The following NLRC5 variants were observed in gnomAD, a reference collection of about 807,000 sequenced individuals.
NLRC5 encodes the protein protein NLRC5.
In NLRC5, 114 loss-of-function variants were observed where a neutral mutation model predicts 206.9. The observed-to-expected ratio is 0.55, with a 90% CI of 0.47 to 0.64. The LOEUF is 0.64. NLRC5 is among the 30% of genes least tolerant of loss of function. The probability of loss-of-function intolerance (pLI) is 0.00; values close to 1 mark genes in which losing one functional copy is unlikely to be tolerated. For missense variants in NLRC5, 2,008 were observed against 2,305.5 expected (o/e 0.87, Z 2.64); for synonymous variants, 952 against 962.8 (o/e 0.99, Z 0.21).
Position 57,041,301 on chromosome 16 carries a change from G to C in NLRC5, c.2940-184G>C, listed in dbSNP as rs552651932. ...CTCTGCCCACCCTCTGCCTATATGT[G>C]ACATCCTGTGGGTGTCGTGTGTGTT... On this transcript the variant is annotated intron_variant, in intron 17 of 48. Coordinates refer to ENST00000688547, the MANE Select transcript of NLRC5 (RefSeq NM_001384950.1). 2.1e-4 allele frequency: 124 copies of C among 580,272 alleles called. 2 individuals carry two copies. In the South Asian group the frequency reaches 2.2e-3, roughly 10 times the overall value. 35.9% of individuals were successfully genotyped at this position (580,272 alleles called of 1,614,324 possible).
At position 57,077,710 on chromosome 16, in the gene NLRC5, C is replaced by T. The variant is rs1191388755; in HGVS notation, c.4920-9C>T. The T allele has an allele frequency of 6.4e-7, 1 of 1,559,592 alleles. No homozygotes were observed. The highest frequency in any genetic ancestry group is 8.7e-7 in the Non-Finnish European group (1 of 1,150,468). On this transcript the variant is annotated splice_polypyrimidine_tract_variant and intron_variant, in intron 41 of 48. Coordinates refer to ENST00000688547, the MANE Select transcript of NLRC5 (RefSeq NM_001384950.1). ...ATCAGAGGACCTGATGGCTGCCCCC[C>T]TCCCACAGCCTCTCAGGGAATAGCA...
At position 57,079,076 on chromosome 16, in the gene NLRC5, G is replaced by C. The variant is rs2068795495; in HGVS notation, c.5108G>C (p.Gly1703Ala). 3 of 1,614,050 alleles carry C rather than the reference G, an allele frequency of 1.9e-6. No individual in the cohort carries two copies. The highest frequency in any genetic ancestry group is 1.3e-5 in the African/African-American group (1 of 74,934). ...CTACCATTCAGCCATCTGGGCCCAG[G>C]TGGGGCCCTGAGCCTGGCCCAGGCC... is the stretch of plus-strand genomic sequence containing the variant. ...LHLPFSHLGPGGALSLAQALD... is the reference protein window; with the variant it reads ...LHLPFSHLGPAGALSLAQALD... The change falls in exon 44 of 49, where the codon GGT becomes GCT. Residue 1703 changes from glycine (G) to alanine (A), a missense_variant. Physicochemically the swap from Gly to Ala is moderately conservative, Grantham distance 60. Transcript: ENST00000688547.
intron 13 of NLRC5, chr16:57,034,794 C>G (rs1478429657): frequency 6.6e-6 from 1 of 152,586 alleles, no homozygotes; most frequent in African/African-American, 2.4e-5. Flanking sequence ...GCGTCCAGCC[C>G]CTGGCTGAAG....
Position 57,083,454 on chromosome 16 carries a change from A to G in NLRC5, c.*926A>G, listed in dbSNP as rs1362702487. 1.3e-5 allele frequency: 2 copies of G among 152,214 alleles called. No homozygotes were observed. The highest frequency in any genetic ancestry group is 2.9e-5 in the Non-Finnish European group (2 of 68,034). The allele number at this position is 152,214 out of a possible 1,614,324, so 9.4% of individuals were successfully genotyped here. A position where few individuals can be genotyped will look rare whatever the true frequency, so the allele number is the denominator to read the frequency against. ...TTACCCAGTGTTCTTGTTACTTCCAAGGAGAACCAAGAATGGCTCTGTCAC... is the reference window on the plus strand; with the variant it reads ...TTACCCAGTGTTCTTGTTACTTCCAGGGAGAACCAAGAATGGCTCTGTCAC... On this transcript the variant is annotated 3_prime_UTR_variant, in exon 49 of 49. Coordinates refer to ENST00000688547, the MANE Select transcript of NLRC5 (RefSeq NM_001384950.1).
rs1453470419 is a variant in NLRC5 at position 57,026,922 on chromosome 16, A to T, written c.1979A>T (p.His660Leu). ...GCCACCCTGACCAACATCCTAGAGC[A>T]CAGGGAGGCCCCCATCCACCTGGAT... is the stretch of plus-strand genomic sequence containing the variant. ...DLATLTNILE[H>L]REAPIHLDFD... Residue 660 changes from histidine to leucine, a missense_variant, in exon 6 of 49, where the codon CAC (histidine) becomes CTC (leucine). His to Leu is a moderately conservative substitution (Grantham distance 99). Coordinates refer to ENST00000688547, the MANE Select transcript of NLRC5 (RefSeq NM_001384950.1). 1 of 1,614,168 alleles carries T rather than the reference A, an allele frequency of 6.2e-7. No individual in the cohort carries two copies. Among genetic ancestry groups the T allele is most frequent in the Non-Finnish European group, 8.5e-7 (1 of 1,180,020 alleles).
Position 57,051,565 on chromosome 16 carries a change from G to A in NLRC5, c.3450G>A (p.Gln1150=). The A allele has an allele frequency of 6.2e-7, 1 of 1,614,110 alleles. No homozygotes were observed. The highest frequency in any genetic ancestry group is 8.5e-7 in the Non-Finnish European group (1 of 1,179,968). Residue 1150 remains glutamine, a synonymous_variant, in exon 24 of 49, where the codon CAG becomes CAA. Transcript: ENST00000688547. ...TGTCCTGTGAGTTCCTGAGTGACCA[G>A]AGCCTGGAGACTCTACTGGACTGCT... The part of the protein sequence containing the change: ...LQLSCEFLSD[Q]SLETLLDCLP...
chr16:57,077,216 G>C, intron 40 of NLRC5, 80 bp from the exon 41 acceptor site: 23 of 1,327,902 alleles, frequency 1.7e-5, no homozygotes, highest in Non-Finnish European at 2.4e-5. Context: ...TGGGACTTCA[G>C]CCTCCCCTTC....
chr16:57,026,700 A>T lies in NLRC5; in HGVS notation c.1757A>T (p.Asp586Val). 6.2e-7 allele frequency: 1 copy of T among 1,613,970 alleles called. No individual in the cohort carries two copies. Among genetic ancestry groups the T allele is most frequent in the Non-Finnish European group, 8.5e-7 (1 of 1,179,916 alleles). The change falls in exon 6 of 49, where the codon GAC (aspartate) becomes GTC (valine). Residue 586 changes from aspartate to valine, a missense_variant. Asp to Val is a radical substitution (Grantham distance 152). Transcript: ENST00000688547. Reference sequence around the variant, plus strand: ...AGCCACCTGGCGCAGGGCAATGAGGACTGTGTGGGTGCCAAGCAGGCTGCT... The same window carrying T: ...AGCCACCTGGCGCAGGGCAATGAGGTCTGTGTGGGTGCCAAGCAGGCTGCT... ...FLSHLAQGNEDCVGAKQAAVV... is the reference protein window; with the variant it reads ...FLSHLAQGNEVCVGAKQAAVV...
intron 27 of NLRC5, 96 bp downstream of exon 27, chr16:57,055,615 T>A: frequency 1.0e-6 from 1 of 954,466 alleles, no homozygotes; most frequent in Non-Finnish European, 1.7e-6. Context: ...CATACACTCA[T>A]GTGTGCCTGC....
intron 32 of NLRC5, among the ~76,000 whole-genome samples, chr16:57,063,660 G>A (rs1392002736): frequency 1.3e-5 from 2 of 152,088 alleles, no homozygotes; most frequent in Non-Finnish European, 2.9e-5. Context: ...AAAGTGCTAG[G>A]CGTGAGCCAC....
rs2063536988 is a variant in NLRC5 at position 57,043,461 on chromosome 16, A to C, written c.3114-54A>C. On this transcript the variant is annotated intron_variant, in intron 19 of 48. Coordinates refer to ENST00000688547, the MANE Select transcript of NLRC5 (RefSeq NM_001384950.1). ...CCCGCCCTGTGCCCTGACCACAAAGAGGATGTGTTTGGGTCCTGAGTGACC... is the reference window on the plus strand; with the variant it reads ...CCCGCCCTGTGCCCTGACCACAAAGCGGATGTGTTTGGGTCCTGAGTGACC... 34 of 1,310,060 alleles carry C rather than the reference A, an allele frequency of 2.6e-5. 1 individual carries two copies. In the South Asian group the frequency reaches 3.5e-4, roughly 14 times the overall value. 81.2% of individuals were successfully genotyped at this position (1,310,060 alleles called of 1,614,324 possible).
intron 20 of NLRC5, chr16:57,043,807 T>G (rs1166994859): frequency 3.3e-6 from 2 of 598,558 alleles, no homozygotes; most frequent in Admixed American, 2.8e-5. Context: ...GCCTCACGGA[T>G]GCTCAAATTT....
rs2061239978 is a variant in NLRC5, at chr16:57,026,013, CAG to C, written c.1073_1074del (p.Glu358GlyfsTer10). ...GGGAAGCTGCCTGCCTGCCTGCCTG[CAG>C]AGGCAGCCATGGTCCACATGTTGGG... On this transcript the variant is annotated frameshift_variant, in exon 6 of 49. Coordinates refer to ENST00000688547, the MANE Select transcript of NLRC5 (RefSeq NM_001384950.1). LOFTEE classifies it high-confidence loss of function. 1 of 1,613,930 alleles carries C rather than the reference CAG, an allele frequency of 6.2e-7. No homozygotes were observed. The highest frequency in any genetic ancestry group is 8.5e-7 in the Non-Finnish European group (1 of 1,180,054).
chr16:57,012,080 C>G (rs2059565955), intron 1 of NLRC5, among the ~76,000 whole-genome samples: 1 of 152,208 alleles, frequency 6.6e-6, no homozygotes, highest in African/African-American at 2.4e-5. Flanking sequence ...CCCAGGCAAC[C>G]AGTAATCTAC....
At chr16:57,050,598 G>A (rs1044486535) in intron 23 of NLRC5, among the ~76,000 whole-genome samples, 2 of 152,230 alleles carry the variant, frequency 1.3e-5, no homozygotes, top group Non-Finnish European at 2.9e-5. Context: ...AGGGGCTGTA[G>A]GTAAACCCCA....
At chr16:57,041,883 C>T in intron 18 of NLRC5, 99 bp from the exon 19 acceptor site, 1 of 799,180 alleles carries the variant, frequency 1.3e-6, no homozygotes, top group African/African-American at 1.8e-5. Context: ...GGGCTGTGTC[C>T]AGTTTCAGGA....
rs144198423 is a variant in NLRC5 at position 57,036,407 on chromosome 16, A to T, written c.2711+224A>T. Among the ~76,000 whole-genome samples the T allele has an allele frequency of 2.0e-5, 3 of 152,136 alleles. No individual in the cohort carries two copies. In the East Asian group the frequency reaches 5.8e-4, roughly 29 times the overall value. On this transcript the variant is annotated intron_variant, in intron 14 of 48. Coordinates refer to ENST00000688547, the MANE Select transcript of NLRC5 (RefSeq NM_001384950.1). Reference sequence around the variant, plus strand: ...ACCCTTACATGTGTAAAATGCGTTCATTATACATCAGTGGCTTGCATTCCA... The same window carrying T: ...ACCCTTACATGTGTAAAATGCGTTCTTTATACATCAGTGGCTTGCATTCCA...
At chr16:57,055,611 C>A in intron 27 of NLRC5, 92 bp downstream of exon 27, 1 of 977,166 alleles carries the variant, frequency 1.0e-6, no homozygotes, top group Non-Finnish European at 1.6e-6. Context: ...TGCACATACA[C>A]TCATGTGTGC....
intron 36 of NLRC5, 42 bp from the exon 37 acceptor site, chr16:57,069,794 G>A (rs2067433214): frequency 1.3e-6 from 2 of 1,542,532 alleles, no homozygotes; most frequent in Non-Finnish European, 8.8e-7. Context: ...CCAAGACCCA[G>A]GGCGGCTCCT....
Sources: gnomAD v4.1 joint callset for allele counts (sites outside exome capture counted in the v4.1 genomes callset) on GRCh38, gnomAD v4.1.1 for gene constraint, MANE v1.5 for transcripts, NCBI Gene and HGNC (gene_info 2026-07-23, HGNC 2026-07-21) for gene names.